The following DPP10 variants were observed in gnomAD, a reference collection of about 807,000 sequenced individuals.
DPP10 encodes inactive dipeptidyl peptidase 10.
A neutral mutation model predicts 120.9 loss-of-function variants in DPP10; 33 were observed. That is an observed-to-expected ratio of 0.27 (90% CI 0.21 to 0.37). The LOEUF is 0.37. DPP10 is among the 10% of genes least tolerant of loss of function. DPP10 has a pLI of 1.00. For missense variants in DPP10, 816 were observed against 942.8 expected (o/e 0.87, Z 1.76); for synonymous variants, 337 against 326.1 (o/e 1.03, Z -0.36).
intron 19 of DPP10, among the ~76,000 whole-genome samples, chr2:115,793,896 C>T (rs1323103226): frequency 6.6e-6 from 1 of 151,842 alleles, no homozygotes; most frequent in East Asian, 1.9e-4. Flanking sequence ...ATGATCTATT[C>T]TTTTAAATTG....
chr2:115,294,723 G>T (rs1211826266), intron 1 of DPP10, among the ~76,000 whole-genome samples: 2 of 152,044 alleles, frequency 1.3e-5, no homozygotes, highest in African/African-American at 4.8e-5. Flanking sequence ...CAGTTAGTTT[G>T]AGACAACTAT....
chr2:115,105,422 TGAGAGAGAGAGAGA>T (rs10565038), intron 1 of DPP10, among the ~76,000 whole-genome samples: 21 of 146,238 alleles, frequency 1.4e-4, no homozygotes, highest in African/African-American at 3.0e-4. Flanking sequence ...TGTCACATGG[TGAGAGAGAGAGAGA>T]GAGAGAGAGA....
intron 1 of DPP10, among the ~76,000 whole-genome samples, chr2:115,308,357 A>G (rs1212146340): frequency 6.9e-6 from 1 of 144,804 alleles, no homozygotes; most frequent in Non-Finnish European, 1.5e-5. Context: ...GGCTGTATTG[A>G]GAAAGGATGA....
chr2:114,771,701 A>G (rs935163074), intron 1 of DPP10, among the ~76,000 whole-genome samples: 1 of 152,204 alleles, frequency 6.6e-6, no homozygotes, highest in African/African-American at 2.4e-5. Context: ...GAAGTGGAAA[A>G]GGGAGCATGT....
chr2:115,188,297 A>C (rs559936293), intron 1 of DPP10, among the ~76,000 whole-genome samples: 1 of 152,344 alleles, frequency 6.6e-6, no homozygotes, highest in African/African-American at 2.4e-5. Flanking sequence ...GCAAAGAGCT[A>C]GTTGAGACTA....
At chr2:114,507,257 C>T (rs537217250) in intron 1 of DPP10, among the ~76,000 whole-genome samples, 54 of 152,124 alleles carry the variant, frequency 3.5e-4, no homozygotes, top group African/African-American at 9.4e-4. Context: ...CCGTGTTGTC[C>T]CGGCTGGCCT....
chr2:115,605,156 C>CT (rs1474101772), intron 5 of DPP10, among the ~76,000 whole-genome samples: 1 of 151,980 alleles, frequency 6.6e-6, no homozygotes, highest in Non-Finnish European at 1.5e-5. Flanking sequence ...TGGAGATTGT[C>CT]TTTTTTGGCA....
intron 1 of DPP10, among the ~76,000 whole-genome samples, chr2:114,897,714 A>G (rs1335639529): frequency 2.0e-5 from 3 of 152,224 alleles, no homozygotes; most frequent in African/African-American, 7.2e-5. Flanking sequence ...TCTCAAAAGA[A>G]GACATTTATG....
chr2:114,501,315 T>C (rs2104514121), intron 1 of DPP10, among the ~76,000 whole-genome samples: 1 of 152,306 alleles, frequency 6.6e-6, no homozygotes, highest in East Asian at 1.9e-4. Flanking sequence ...CAAGTAGCAA[T>C]GGTGAGTGTG....
chr2:114,461,818 C>G (rs1227446410), intron 1 of DPP10: 1 of 985,166 alleles, frequency 1.0e-6, no homozygotes, highest in South Asian at 4.7e-5. Context: ...TGGTACATAC[C>G]AAATATGATA....
chr2:115,512,683 A>G (rs1370966039), intron 4 of DPP10, among the ~76,000 whole-genome samples: 5 of 152,036 alleles, frequency 3.3e-5, no homozygotes, highest in Non-Finnish European at 7.4e-5. Flanking sequence ...TTTAGTATCT[A>G]TATATTTGTG....
intron 1 of DPP10, among the ~76,000 whole-genome samples, chr2:114,915,712 G>T (rs960800375): frequency 1.3e-5 from 2 of 152,006 alleles, no homozygotes; most frequent in African/African-American, 4.8e-5. Flanking sequence ...ATAATTACAT[G>T]GAAATTAAAC....
In DPP10 at chr2:115,305,745, A is replaced by AT. The variant is rs768623774; in HGVS notation, c.61-3487dup. Among the ~76,000 whole-genome samples, 850 of 151,756 alleles carry AT rather than the reference A, an allele frequency of 5.6e-3. 2 individuals are homozygous for AT. The highest frequency in any genetic ancestry group is 1.0e-2 in the Non-Finnish European group (676 of 67,920). On this transcript the variant is annotated intron_variant, in intron 1 of 25. Transcript: ENST00000410059. ...AGAGCAAGACCCTCTCTCTAACAAC[A>AT]TTTTTTTAAATTAAAAAAAAAATAA...
chr2:114,800,356 A>C (rs1407082868), intron 1 of DPP10, among the ~76,000 whole-genome samples: 1 of 152,238 alleles, frequency 6.6e-6, no homozygotes, highest in Non-Finnish European at 1.5e-5. Flanking sequence ...CTTTTTATAC[A>C]TTCCAGATAA....
At chr2:115,161,957 A>T in intron 1 of DPP10, 1 of 1,435,826 alleles carries the variant, frequency 7.0e-7, no homozygotes, top group Non-Finnish European at 9.1e-7. Flanking sequence ...GCCGCCGGCG[A>T]TGACGGCCGC....
At chr2:115,738,883 A>G (rs745643104) in intron 8 of DPP10, among the ~76,000 whole-genome samples, 1 of 152,252 alleles carries the variant, frequency 6.6e-6, no homozygotes, top group South Asian at 2.1e-4. Flanking sequence ...TGAACATTTT[A>G]TTGTCTTTTT....
At chr2:114,949,562 T>C (rs1193680760) in intron 1 of DPP10, among the ~76,000 whole-genome samples, 2 of 152,226 alleles carry the variant, frequency 1.3e-5, no homozygotes, top group African/African-American at 4.8e-5. Context: ...TTTGATTCAT[T>C]AGGGCCTGAG....
intron 3 of DPP10, among the ~76,000 whole-genome samples, chr2:115,441,278 G>A (rs1225769505): frequency 6.6e-6 from 1 of 152,184 alleles, no homozygotes; most frequent in Non-Finnish European, 1.5e-5. Context: ...GTGCTGTACT[G>A]AATCCCGAGT....
chr2:115,331,545 T>A (rs1456752789), intron 2 of DPP10, among the ~76,000 whole-genome samples: 2 of 152,174 alleles, frequency 1.3e-5, no homozygotes, highest in Admixed American at 6.5e-5. Flanking sequence ...TTCAGTATGA[T>A]ATTGGCTGTG....
Sources: allele counts gnomAD v4.1 joint callset (sites outside exome capture counted in the v4.1 genomes callset), GRCh38; gene constraint gnomAD v4.1.1; transcripts MANE v1.5; gene names NCBI Gene and HGNC (gene_info 2026-07-23, HGNC 2026-07-21).